GRIA2: variants seen among roughly 807,000 people sequenced by gnomAD.
The protein encoded by GRIA2 is glutamate ionotropic receptor AMPA type subunit 2.
GRIA2 carries 14 observed loss-of-function variants against 97.3 expected under a neutral mutation model. The ratio of observed to expected loss-of-function variants is 0.14; its 90% confidence interval spans 0.10 to 0.23. The LOEUF is 0.23. Among genes scored for constraint, GRIA2 ranks in the 10% least tolerant of loss-of-function variants. The pLI is 1.00. For missense variants in GRIA2, 558 were observed against 1,069.8 expected, an observed-to-expected ratio of 0.52 and a Z score of 6.67; for synonymous variants, 412 against 387.8, an observed-to-expected ratio of 1.06 and a Z score of -0.73.
chr4:157,287,416 A>T (rs1165342037), intron 2 of GRIA2, among the ~76,000 whole-genome samples: 2 of 151,240 alleles, frequency 1.3e-5, no homozygotes, highest in Non-Finnish European at 3.0e-5. Flanking sequence ...GTGTGAATGT[A>T]TTGTTTTTTC....
intron 2 of GRIA2, among the ~76,000 whole-genome samples, chr4:157,260,067 A>G (rs891755548): frequency 2.0e-5 from 3 of 152,046 alleles, no homozygotes; most frequent in Admixed American, 2.0e-4. Context: ...ACAATTCCTT[A>G]TGATTTGTTC....
intron 2 of GRIA2, among the ~76,000 whole-genome samples, chr4:157,287,051 G>T (rs971070916): frequency 2.0e-5 from 3 of 151,324 alleles, no homozygotes; most frequent in Non-Finnish European, 3.0e-5. Context: ...ATTCTGTCTG[G>T]AAACAACTCC....
At chr4:157,279,086 C>A (rs1300482985) in intron 2 of GRIA2, among the ~76,000 whole-genome samples, 1 of 152,104 alleles carries the variant, frequency 6.6e-6, no homozygotes, top group East Asian at 1.9e-4. Context: ...ATCATATGAT[C>A]CAGCAATCAT....
chr4:157,277,548 T>G (rs1300599486), intron 2 of GRIA2, among the ~76,000 whole-genome samples: 1 of 151,614 alleles, frequency 6.6e-6, no homozygotes, highest in Non-Finnish European at 1.5e-5. Context: ...ATACAAGAAA[T>G]GGAAATTAAG....
chr4:157,270,652 C>A, intron 2 of GRIA2, among the ~76,000 whole-genome samples: 1 of 152,022 alleles, frequency 6.6e-6, no homozygotes. Context: ...CTGGAAAAAA[C>A]ACACAAGCGA....
At chr4:157,264,957 T>G (rs1731702858) in intron 2 of GRIA2, among the ~76,000 whole-genome samples, 1 of 152,068 alleles carries the variant, frequency 6.6e-6, no homozygotes, top group Non-Finnish European at 1.5e-5. Context: ...CTCAGATAAT[T>G]AAACTGAGAC....
At chr4:157,265,142 T>G (rs1016499998) in intron 2 of GRIA2, among the ~76,000 whole-genome samples, 1 of 152,128 alleles carries the variant, frequency 6.6e-6, no homozygotes, top group Non-Finnish European at 1.5e-5. Flanking sequence ...TAGTAATATC[T>G]ATCAATAAAT....
At chr4:157,233,719 C>G (rs1730122607) in intron 2 of GRIA2, among the ~76,000 whole-genome samples, 1 of 152,060 alleles carries the variant, frequency 6.6e-6, no homozygotes, top group Non-Finnish European at 1.5e-5. Context: ...AACCTAAACC[C>G]CATGCTCAAA....
intron 9 of GRIA2, 99 bp downstream of exon 9, chr4:157,334,219 C>T (rs1735186401): frequency 1.5e-6 from 1 of 688,942 alleles, no homozygotes; most frequent in Non-Finnish European, 2.7e-6. Flanking sequence ...ATCTGTTTTG[C>T]TTCTTTTGCA....
At chr4:157,307,292 G>T (rs1733885876) in intron 3 of GRIA2, among the ~76,000 whole-genome samples, 1 of 152,140 alleles carries the variant, frequency 6.6e-6, no homozygotes, top group African/African-American at 2.4e-5. Flanking sequence ...CCACAATGCT[G>T]AGCAACAGGC....
intron 12 of GRIA2, among the ~76,000 whole-genome samples, chr4:157,359,568 T>C (rs557573204): frequency 5.9e-5 from 9 of 152,302 alleles, no homozygotes; most frequent in East Asian, 3.9e-4. Flanking sequence ...CTTTTTGTTG[T>C]CTCCTAATTT....
At chr4:157,265,292 T>G (rs936672371) in intron 2 of GRIA2, among the ~76,000 whole-genome samples, 1 of 152,156 alleles carries the variant, frequency 6.6e-6, no homozygotes, top group Admixed American at 6.6e-5. Context: ...TGTAGTCTAC[T>G]CTTACATAAC....
chr4:157,317,707 A>G lies in GRIA2; in HGVS notation c.716A>G (p.Asn239Ser). ...HVKGYHYIIA[N>S]LGFTDGDLLK... ...AAAGGGTACCACTACATCATTGCAAATCTGGTAGGTGAATTAATTGGTATA... is the reference window on the plus strand; with the variant it reads ...AAAGGGTACCACTACATCATTGCAAGTCTGGTAGGTGAATTAATTGGTATA... The change falls in exon 5 of 16, where the codon AAT (asparagine) becomes AGT (serine). Residue 239 changes from asparagine (N) to serine (S), a missense_variant. Physicochemically the swap from Asn to Ser is conservative, Grantham distance 46. Around this residue, in one of 8 missense-constraint regions of GRIA2, gnomAD observed 173 missense variants for 209.1 expected, o/e 0.83. Coordinates refer to ENST00000264426, the MANE Select transcript of GRIA2 (RefSeq NM_001083619.3). 1 of 1,218,562 alleles carries G rather than the reference A, an allele frequency of 8.2e-7. No individual in the cohort carries two copies. Among genetic ancestry groups the G allele is most frequent in the Non-Finnish European group, 1.2e-6 (1 of 825,974 alleles). 75.5% of individuals were successfully genotyped at this position (1,218,562 alleles called of 1,614,324 possible). A position where few individuals can be genotyped will look rare whatever the true frequency, so the allele number is the denominator to read the frequency against.
In GRIA2 at chr4:157,364,299, C is replaced by G. The variant is rs1310570952; in HGVS notation, c.*868C>G. 1 of 152,248 alleles carries G rather than the reference C, an allele frequency of 6.6e-6. No homozygotes were observed. Among genetic ancestry groups the G allele is most frequent in the Non-Finnish European group, 1.5e-5 (1 of 67,902 alleles). 9.4% of individuals were successfully genotyped at this position (152,248 alleles called of 1,614,324 possible). On this transcript the variant is annotated 3_prime_UTR_variant, in exon 16 of 16. Coordinates refer to ENST00000264426, the MANE Select transcript of GRIA2 (RefSeq NM_001083619.3). ...TTTCTATTGTTTTATTGCAAGTGGT[C>G]CAATTAATTTTGCTTAGCTACAGTT...
intron 2 of GRIA2, among the ~76,000 whole-genome samples, chr4:157,261,958 C>A (rs139731198): frequency 6.6e-6 from 1 of 151,970 alleles, no homozygotes; most frequent in African/African-American, 2.4e-5. Flanking sequence ...TTATACCATG[C>A]GCTTTACTGG....
chr4:157,322,644 G>C (rs1018188634), intron 6 of GRIA2, among the ~76,000 whole-genome samples: 3 of 152,070 alleles, frequency 2.0e-5, no homozygotes, highest in Admixed American at 6.6e-5. Flanking sequence ...ACTGGCTAAG[G>C]GTAGTTTAAA....
At chr4:157,275,204 T>C (rs1264938030) in intron 2 of GRIA2, among the ~76,000 whole-genome samples, 1 of 152,174 alleles carries the variant, frequency 6.6e-6, no homozygotes, top group African/African-American at 2.4e-5. Context: ...CGCCCACTTT[T>C]TGATGAGTTT....
intron 2 of GRIA2, among the ~76,000 whole-genome samples, chr4:157,260,178 G>C (rs1454950590): frequency 6.6e-6 from 1 of 152,034 alleles, no homozygotes; most frequent in Non-Finnish European, 1.5e-5. Context: ...ATATATAATA[G>C]TTTAGACTTG....
At chr4:157,315,607 A>G (rs1209754955) in intron 4 of GRIA2, among the ~76,000 whole-genome samples, 1 of 152,030 alleles carries the variant, frequency 6.6e-6, no homozygotes, top group Non-Finnish European at 1.5e-5. Flanking sequence ...CAGTGGCGCA[A>G]TCTCAGGTCA....
Sources: gnomAD v4.1 joint callset for allele counts (sites outside exome capture counted in the v4.1 genomes callset) on GRCh38, gnomAD v4.1.1 for gene constraint, gnomAD v4.1.1 regional missense constraint, MANE v1.5 for transcripts, NCBI Gene and HGNC (gene_info 2026-07-23, HGNC 2026-07-21) for gene names.